Variants in RYR1 observed in about 807,000 individuals in gnomAD.
The protein encoded by RYR1 is ryanodine receptor 1.
In RYR1, 342 loss-of-function variants were observed where a neutral mutation model predicts 583.5. That is an observed-to-expected ratio of 0.59 (90% confidence interval 0.54 to 0.64). The LOEUF (loss-of-function observed/expected upper bound fraction) is 0.64, where lower values mean the gene tolerates loss of function less well. Ranked by LOEUF, RYR1 falls within the 30% of genes least tolerant of loss-of-function variation. The probability of loss-of-function intolerance (pLI) is 0.00; values close to 1 mark genes in which losing one functional copy is unlikely to be tolerated. For missense variants in RYR1, 6,032 were observed against 6,917.2 expected (o/e 0.87, Z 4.54); for synonymous variants, 2,791 against 2,822.5 (o/e 0.99, Z 0.35).
chr19:38,512,503 G>A lies in RYR1; in HGVS notation c.9472+20G>A, dbSNP rs762696050. 1.2e-6 allele frequency: 2 copies of A among 1,605,696 alleles called. No homozygotes were observed. Among genetic ancestry groups the A allele is most frequent in the Non-Finnish European group, 1.7e-6 (2 of 1,179,278 alleles). On this transcript the variant is annotated intron_variant, in intron 63 of 105. Transcript: ENST00000359596. This position sits in a 1 kb window ranked among gnomAD's most constrained non-coding sequence, Gnocchi z 5.1. ...TCATCCGTAAGGGCGCCTGACCCAA[G>A]GGCAGGTTGCGGGGAGTCAGTGTGG...
intron 53 of RYR1, 41 bp from the exon 54 acceptor site, chr19:38,505,765 C>T (rs1970415406): frequency 1.2e-6 from 2 of 1,613,346 alleles, no homozygotes; most frequent in Admixed American, 3.3e-5. Context: ...ACCCCTCTCT[C>T]ATCCCATTCC....
chr19:38,505,042 G>A lies in RYR1; in HGVS notation c.8271G>A (p.Lys2757=). ...AGAAGCTGGACTCCTTCATTAACAAGTTTGCGGAGTACACACACGAGAAGT... is the reference window on the plus strand; with the variant it reads ...AGAAGCTGGACTCCTTCATTAACAAATTTGCGGAGTACACACACGAGAAGT... The part of the protein sequence containing the change: ...IPEKLDSFIN[K]FAEYTHEKWA... The change falls in exon 52 of 106, where the codon AAG becomes AAA. Residue 2757 remains lysine, a synonymous_variant. Transcript: ENST00000359596. 6.2e-7 allele frequency: 1 copy of A among 1,614,164 alleles called. No homozygotes were observed. The highest frequency in any genetic ancestry group is 8.5e-7 in the Non-Finnish European group (1 of 1,180,040).
chr19:38,460,655 A>G, intron 20 of RYR1, 64 bp downstream of exon 20: 1 of 1,465,316 alleles, frequency 6.8e-7, no homozygotes, highest in South Asian at 1.1e-5. Context: ...GAGAGGGGGC[A>G]GGGTGCCATC....
Position 38,506,488 on chromosome 19 carries a change from G to T in RYR1, c.8634G>T (p.Leu2878=). ...ACTCCCAGGCCATGGCAGAACAACT[G>T]GCAGAAAATTACCACAACACGTGGG... ...SRELQAMAEQ[L]AENYHNTWGR... is the part of the protein sequence containing the mutation. Residue 2878 remains leucine, a synonymous_variant, in exon 56 of 106, where the codon CTG becomes CTT. Transcript: ENST00000359596. 2.5e-6 allele frequency: 4 copies of T among 1,614,076 alleles called. No homozygotes were observed. The highest frequency in any genetic ancestry group is 3.4e-6 in the Non-Finnish European group (4 of 1,180,010).
intron 21 of RYR1, 50 bp from the exon 22 acceptor site, chr19:38,463,697 G>C (rs1188792189): frequency 6.4e-7 from 1 of 1,556,430 alleles, no homozygotes; most frequent in Non-Finnish European, 8.9e-7. Flanking sequence ...GGCATGTGGG[G>C]AGTGGGAAGG....
chr19:38,536,633 CTGTG>C lies in RYR1; in HGVS notation c.11591-113_11591-110del, dbSNP rs141905187. The C allele has an allele frequency of 4.7e-3, 5,615 of 1,197,518 alleles. 189 individuals are homozygous for C. In the African/African-American group the frequency reaches 0.071, roughly 15 times the overall value. 74.2% of individuals were successfully genotyped at this position (1,197,518 alleles called of 1,614,324 possible). A position where few individuals can be genotyped will look rare whatever the true frequency, so the allele number is the denominator to read the frequency against. The stretch of plus-strand genomic sequence containing the variant: ...CTCTCTGTGGGTTGTTCCTCTCTCT[CTGTG>C]TGTCTTTCTGTGTCTCTGTCCCTGA... On this transcript the variant is annotated intron_variant, in intron 82 of 105. Transcript: ENST00000359596.
At chr19:38,535,423 CTG>C (rs1568549692) in intron 81 of RYR1, 31 bp downstream of exon 81, 1 of 1,568,752 alleles carries the variant, frequency 6.4e-7, no homozygotes, top group East Asian at 2.2e-5. Context: ...TCTTGTTAAG[CTG>C]TGTTTGGTGC....
In RYR1 at chr19:38,490,288, C is replaced by T; in HGVS notation, c.6015+12C>T. ...CACCCCAGGAACAGGTCATCTGACC[C>T]CTGACGCTGGCCACTTTTACTGTCT... On this transcript the variant is annotated intron_variant, in intron 36 of 105. Coordinates refer to ENST00000359596, the MANE Select transcript of RYR1 (RefSeq NM_000540.3). The T allele has an allele frequency of 2.5e-6, 4 of 1,611,728 alleles. No individual in the cohort carries two copies. The highest frequency in any genetic ancestry group is 3.4e-6 in the Non-Finnish European group (4 of 1,178,918).
chr19:38,567,357 A>T (rs185541702), intron 92 of RYR1, among the ~76,000 whole-genome samples: 1 of 152,050 alleles, frequency 6.6e-6, no homozygotes, highest in Admixed American at 6.6e-5. Context: ...AGAGATAGAA[A>T]AATGAAAACT....
At chr19:38,448,171 C>T (rs1345883693) in intron 9 of RYR1, among the ~76,000 whole-genome samples, 184 bp from the exon 10 acceptor site, 1 of 152,026 alleles carries the variant, frequency 6.6e-6, no homozygotes, top group Non-Finnish European at 1.5e-5. Flanking sequence ...GTGGCTCATG[C>T]CTGTAATCCC....
At chr19:38,580,149 T>C in intron 100 of RYR1, 21 bp downstream of exon 100, 2 of 1,613,884 alleles carry the variant, frequency 1.2e-6, no homozygotes, top group Non-Finnish European at 8.5e-7. Context: ...GACCTGGCTG[T>C]GGGGCGTGGG....
intron 13 of RYR1, among the ~76,000 whole-genome samples, chr19:38,453,303 AAG>A (rs1346090680): frequency 2.0e-5 from 3 of 149,952 alleles, no homozygotes; most frequent in Non-Finnish European, 4.5e-5. Context: ...GATGGAATAA[AAG>A]AGCTGAGGGG....
At chr19:38,585,869 G>A (rs1036027867) in intron 102 of RYR1, 69 bp from the exon 103 acceptor site, 10 of 1,581,036 alleles carry the variant, frequency 6.3e-6, no homozygotes, top group Admixed American at 3.3e-5. Context: ...CCTGGAGGTA[G>A]GTAGCTGGAG....
chr19:38,476,222 G>A (rs1968717132), intron 29 of RYR1, among the ~76,000 whole-genome samples: 2 of 151,668 alleles, frequency 1.3e-5, no homozygotes, highest in Admixed American at 1.3e-4. Flanking sequence ...TTTTTGAGAT[G>A]GAGTCTCAGC....
At position 38,572,173 on chromosome 19, in the gene RYR1, A is replaced by T. The variant is rs777492482; in HGVS notation, c.13901A>T (p.Glu4634Val). ...EDENMVYYFLEESTGYMEPAL... is the reference protein window; with the variant it reads ...EDENMVYYFLVESTGYMEPAL... ...GAGAACATGGTGTACTACTTCCTGG[A>T]GGAAAGCACAGGCTACATGGAACCC... Residue 4634 changes from glutamate to valine, a missense_variant, in exon 95 of 106, where the codon GAG becomes GTG. Physicochemically the swap from Glu to Val is moderately radical, Grantham distance 121 (BLOSUM62 -2). Transcript: ENST00000359596. 6.2e-7 allele frequency: 1 copy of T among 1,613,990 alleles called. No homozygotes were observed. The highest frequency in any genetic ancestry group is 1.7e-5 in the Admixed American group (1 of 59,990).
intron 25 of RYR1, among the ~76,000 whole-genome samples, chr19:38,468,529 C>T (rs2078047018): frequency 6.6e-6 from 1 of 152,210 alleles, no homozygotes; most frequent in Admixed American, 6.5e-5. Flanking sequence ...ATTCTTCTGT[C>T]CAGCCATGTA....
rs561053716 is a variant in RYR1, at chr19:38,581,793, T to TG, written c.14646+1296dup. ...TTTGTATTTTTAGTAGAGATGGAGG[T>TG]GGGGGGGTCTCACAATGTTGGCCAG... On this transcript the variant is annotated intron_variant, in intron 101 of 105. Transcript: ENST00000359596. Among the ~76,000 whole-genome samples, 1,463 of 151,098 alleles carry TG rather than the reference T, an allele frequency of 9.7e-3. 11 individuals carry two copies. Among genetic ancestry groups the TG allele is most frequent in the Middle Eastern group, 0.017 (5 of 292 alleles).
intron 87 of RYR1, among the ~76,000 whole-genome samples, chr19:38,544,976 T>C (rs947065389): frequency 2.0e-5 from 3 of 152,030 alleles, no homozygotes; most frequent in Non-Finnish European, 4.4e-5. Flanking sequence ...AAGCAGGCTG[T>C]CTCCCTGGGC....
intron 63 of RYR1, 25 bp from the exon 64 acceptor site, chr19:38,515,001 C>T: frequency 4.4e-6 from 7 of 1,582,530 alleles, no homozygotes; most frequent in Non-Finnish European, 6.1e-6. Flanking sequence ...GCGCATGCCG[C>T]AGCCTCGCCC....
Sources: gnomAD v4.1 joint callset for allele counts (sites outside exome capture counted in the v4.1 genomes callset) on GRCh38, gnomAD v4.1.1 for gene constraint, Gnocchi (gnomAD v3.1) non-coding constraint, MANE v1.5 for transcripts, NCBI Gene and HGNC (gene_info 2026-07-23, HGNC 2026-07-21) for gene names.